CNTN1: variants seen among roughly 807,000 people sequenced by gnomAD.
CNTN1 encodes contactin-1.
A neutral mutation model predicts 126.4 loss-of-function variants in CNTN1; 38 were observed. The ratio of observed to expected loss-of-function variants is 0.30; its 90% CI spans 0.23 to 0.39. The LOEUF (loss-of-function observed/expected upper bound fraction) is 0.39, where lower values mean the gene tolerates loss of function less well. Ranked by LOEUF, CNTN1 falls within the 10% of genes least tolerant of loss-of-function variation. The probability of loss-of-function intolerance (pLI) is 1.00; values close to 1 mark genes in which losing one functional copy is unlikely to be tolerated. For missense variants in CNTN1, 1,009 were observed against 1,248.4 expected (o/e 0.81, Z 2.89); for synonymous variants, 413 against 422.6 (o/e 0.98, Z 0.28).
At chr12:40,707,992 A>T (rs7960217) in intron 1 of CNTN1, among the ~76,000 whole-genome samples, 30,708 of 152,176 alleles carry the variant, frequency 0.2, 3,220 homozygotes, top group Middle Eastern at 0.28. Context: ...AACTCTTCCA[A>T]TGACTTTTTA....
chr12:40,746,880 C>T (rs1938207419), intron 1 of CNTN1, among the ~76,000 whole-genome samples: 1 of 152,048 alleles, frequency 6.6e-6, no homozygotes, highest in African/African-American at 2.4e-5. Flanking sequence ...AACTGTCAAT[C>T]ACCAGGTTCA....
At chr12:40,997,021 C>T (rs1196891884) in intron 17 of CNTN1, among the ~76,000 whole-genome samples, 4 of 152,102 alleles carry the variant, frequency 2.6e-5, no homozygotes, top group Non-Finnish European at 5.9e-5. Flanking sequence ...CCACACATGC[C>T]CTTATCTGTC....
chr12:40,782,128 T>G (rs1367113273), intron 1 of CNTN1, among the ~76,000 whole-genome samples: 1 of 151,974 alleles, frequency 6.6e-6, no homozygotes, highest in Admixed American at 6.6e-5. Flanking sequence ...TCTATCAATA[T>G]GCACACATAT....
intron 1 of CNTN1, among the ~76,000 whole-genome samples, chr12:40,701,988 A>G (rs1436866737): frequency 2.0e-5 from 3 of 152,184 alleles, no homozygotes; most frequent in Non-Finnish European, 2.9e-5. Context: ...CTTAATCACT[A>G]TCGCCTTACT....
chr12:41,032,394 AAAAAG>A (rs922670528), intron 23 of CNTN1, among the ~76,000 whole-genome samples: 11 of 151,474 alleles, frequency 7.3e-5, no homozygotes, highest in African/African-American at 2.7e-4. Context: ...GAAAAAGAAA[AAAAAG>A]AAAGAAAGAT....
intron 1 of CNTN1, among the ~76,000 whole-genome samples, chr12:40,750,514 G>A (rs1938366637): frequency 6.6e-6 from 1 of 151,854 alleles, no homozygotes. Context: ...TAGAAAGCAT[G>A]GGTATTAGCT....
At chr12:40,959,024 GT>G in intron 14 of CNTN1, 89 bp from the exon 15 acceptor site, 2 of 1,520,538 alleles carry the variant, frequency 1.3e-6, no homozygotes, top group Non-Finnish European at 9.0e-7. Flanking sequence ...TGTTCATTTT[GT>G]TAGGGGAAAA....
intron 3 of CNTN1, among the ~76,000 whole-genome samples, chr12:40,912,757 TAAGA>T: frequency 6.6e-6 from 1 of 152,322 alleles, no homozygotes; most frequent in East Asian, 1.9e-4. Context: ...CATCAGTCAG[TAAGA>T]ATTATTTTCA....
intron 1 of CNTN1, among the ~76,000 whole-genome samples, chr12:40,697,648 G>A (rs1941484131): frequency 6.6e-6 from 1 of 152,184 alleles, no homozygotes; most frequent in South Asian, 2.1e-4. Context: ...AACAACATGT[G>A]ACGGTGCTAT....
At chr12:40,940,051 AT>A (rs1946212033) in intron 12 of CNTN1, among the ~76,000 whole-genome samples, 1 of 152,168 alleles carries the variant, frequency 6.6e-6, no homozygotes, top group Non-Finnish European at 1.5e-5. Flanking sequence ...TATATAGATT[AT>A]TTGTATAAAA....
chr12:40,835,865 C>CAGA (rs919385961), intron 1 of CNTN1, among the ~76,000 whole-genome samples: 11 of 149,980 alleles, frequency 7.3e-5, no homozygotes, highest in African/African-American at 2.7e-4. Context: ...CCTAAAGAAC[C>CAGA]AGATGAGGCA....
intron 7 of CNTN1, among the ~76,000 whole-genome samples, chr12:40,930,278 T>C (rs931389770): frequency 6.6e-6 from 1 of 151,978 alleles, no homozygotes; most frequent in African/African-American, 2.4e-5. Context: ...AGTTCTAGTG[T>C]ATTGGTTACA....
chr12:40,970,948 A>G (rs961920394), intron 15 of CNTN1, among the ~76,000 whole-genome samples: 3 of 152,168 alleles, frequency 2.0e-5, no homozygotes, highest in African/African-American at 4.8e-5. Flanking sequence ...ATGAATGTAT[A>G]TATCGACATA....
At chr12:40,927,996 G>A (rs1227739510) in intron 6 of CNTN1, among the ~76,000 whole-genome samples, 1 of 152,032 alleles carries the variant, frequency 6.6e-6, no homozygotes, top group African/African-American at 2.4e-5. Context: ...TGATAAAAAA[G>A]TCATACTGAG....
intron 1 of CNTN1, among the ~76,000 whole-genome samples, chr12:40,905,802 C>T (rs1176052631): frequency 6.6e-6 from 1 of 152,062 alleles, no homozygotes; most frequent in African/African-American, 2.4e-5. Context: ...TAGAAACTAT[C>T]AGGACAAAAA....
intron 14 of CNTN1, among the ~76,000 whole-genome samples, chr12:40,948,703 A>G (rs1946531672): frequency 6.6e-6 from 1 of 152,204 alleles, no homozygotes; most frequent in Non-Finnish European, 1.5e-5. Flanking sequence ...GTCTATTTAA[A>G]TAATTCTCCC....
chr12:41,067,498 T>G (rs1950070028), intron 23 of CNTN1, among the ~76,000 whole-genome samples: 1 of 151,834 alleles, frequency 6.6e-6, no homozygotes, highest in Non-Finnish European at 1.5e-5. Flanking sequence ...AATGATGATT[T>G]CCAATTCCTA....
At chr12:40,790,658 C>A (rs1386242240) in intron 1 of CNTN1, among the ~76,000 whole-genome samples, 5 of 151,982 alleles carry the variant, frequency 3.3e-5, no homozygotes, top group Non-Finnish European at 5.9e-5. Flanking sequence ...TGTACAGCAC[C>A]CCTCATTCAA....
At chr12:41,000,968 CT>C (rs1948346403) in intron 17 of CNTN1, among the ~76,000 whole-genome samples, 2 of 152,214 alleles carry the variant, frequency 1.3e-5, no homozygotes, top group Middle Eastern at 3.4e-3. Context: ...TGGTCTTGTT[CT>C]TTTTTATGGC....
Sources: allele counts gnomAD v4.1 joint callset (sites outside exome capture counted in the v4.1 genomes callset), GRCh38; gene constraint gnomAD v4.1.1; transcripts MANE v1.5; gene names NCBI Gene and HGNC (gene_info 2026-07-23, HGNC 2026-07-21).